ARSL: variants seen among roughly 807,000 people sequenced by gnomAD.
ARSL encodes the protein arylsulfatase E (chondrodysplasia punctata 1).
In ARSL, 4 loss-of-function variants were observed where a neutral mutation model predicts 31.1. The observed-to-expected ratio is 0.13, with a 90% CI of 0.06 to 0.29. The LOEUF (loss-of-function observed/expected upper bound fraction) is 0.29, where lower values mean the gene tolerates loss of function less well. Ranked by LOEUF, ARSL falls within the 10% of genes least tolerant of loss-of-function variation. The pLI is 1.00. For missense variants in ARSL, 312 were observed against 497.8 expected (o/e 0.63, Z 3.55); for synonymous variants, 198 against 209.9 (o/e 0.94, Z 0.49).
Position 2,943,915 on chromosome X carries a change from C to T in ARSL, c.992-716G>A, listed in dbSNP as rs766517367. Among the ~76,000 whole-genome samples, 113 of 110,827 alleles carry T rather than the reference C, an allele frequency of 1.0e-3. 1 individual carries two copies. The highest frequency in any genetic ancestry group is 1.6e-3 in the Non-Finnish European group (86 of 52,994). On this transcript the variant is annotated intron_variant, in intron 7 of 10. Coordinates refer to ENST00000381134, the MANE Select transcript of ARSL (RefSeq NM_000047.3). ...TCACAGTTGGCCGGGCACAGTGGCT[C>T]ATGCCTGAAATCTCAGCAATTTGAG...
intron 10 of ARSL, among the ~76,000 whole-genome samples, chrX:2,935,406 ATAC>A (rs1474220784): frequency 8.9e-6 from 1 of 112,292 alleles, no homozygotes; most frequent in Non-Finnish European, 1.9e-5. Flanking sequence ...AACTTTCAAA[ATAC>A]TACGCTCAGA....
intron 2 of ARSL, among the ~76,000 whole-genome samples, chrX:2,958,943 C>T (rs1269214679): frequency 8.9e-6 from 1 of 111,904 alleles, no homozygotes; most frequent in Non-Finnish European, 1.9e-5. Flanking sequence ...GCTGAGATCG[C>T]ACCACTGCAG....
intron 3 of ARSL, among the ~76,000 whole-genome samples, 154 bp from the exon 4 acceptor site, chrX:2,955,691 A>G (rs1345604283): frequency 4.4e-5 from 5 of 112,384 alleles, no homozygotes; most frequent in Non-Finnish European, 9.4e-5. Context: ...AAAGATTTCT[A>G]ATGTCTTCTG....
upstream of ARSL, among the ~76,000 whole-genome samples, chrX:2,964,934 G>A (rs1007581634): frequency 9.0e-6 from 1 of 110,823 alleles, no homozygotes; most frequent in Non-Finnish European, 1.9e-5. Context: ...GCAAGACCCT[G>A]TCTCTATAAA....
In ARSL at chrX:2,939,644, T is replaced by C. The variant is rs767354137; in HGVS notation, c.1127-1387A>G. Among the ~76,000 whole-genome samples, 135 of 110,736 alleles carry C rather than the reference T, an allele frequency of 1.2e-3. 1 individual carries two copies. The highest frequency in any genetic ancestry group is 2.2e-3 in the Non-Finnish European group (119 of 53,028). On this transcript the variant is annotated intron_variant, in intron 8 of 10. Transcript: ENST00000381134. ...CTTCAAAGCAAATATACATCATAGGTATATTTGCCAATATTAGCCTAAAAA... is the reference window on the plus strand; with the variant it reads ...CTTCAAAGCAAATATACATCATAGGCATATTTGCCAATATTAGCCTAAAAA...
rs773921261 is a variant in ARSL at position 2,960,421 on chromosome X, C to T, written c.-20-1G>A. On this transcript the variant is annotated splice_acceptor_variant, in intron 1 of 10. Coordinates refer to ENST00000381134, the MANE Select transcript of ARSL (RefSeq NM_000047.3). LOFTEE classifies it low-confidence loss of function (5UTR_SPLICE). Reference sequence around the variant, plus strand: ...AACATGTTGTCTCTCTCTCTACTTCCTGTAAGACATAAAGATGTCCACAAT... The same window carrying T: ...AACATGTTGTCTCTCTCTCTACTTCTTGTAAGACATAAAGATGTCCACAAT... The T allele has an allele frequency of 6.6e-6, 8 of 1,203,478 alleles. No individual in the cohort carries two copies. The East Asian group carries it at 2.4e-4, about 36-fold the overall frequency.
At chrX:2,942,100 G>T (rs1175471391) in intron 8 of ARSL, among the ~76,000 whole-genome samples, 2 of 111,239 alleles carry the variant, frequency 1.8e-5, no homozygotes, top group African/African-American at 6.6e-5. Context: ...CAGGAGTTCT[G>T]CCCAGGCCTC....
upstream of ARSL, among the ~76,000 whole-genome samples, chrX:2,967,744 G>T (rs902967081): frequency 8.9e-6 from 1 of 111,991 alleles, no homozygotes; most frequent in Non-Finnish European, 1.9e-5. Context: ...CTCCTTTCCC[G>T]CCCTGAGCTT....
At chrX:2,963,094 G>A (rs1036640611) in intron 1 of ARSL, among the ~76,000 whole-genome samples, 2 of 112,191 alleles carry the variant, frequency 1.8e-5, no homozygotes, top group African/African-American at 6.5e-5. Context: ...TATCATTTGT[G>A]CTTTGTTTAG....
At chrX:2,966,622 AC>A (rs1366179503), upstream of ARSL, among the ~76,000 whole-genome samples, 9 of 107,453 alleles carry the variant, frequency 8.4e-5, no homozygotes, top group Non-Finnish European at 1.5e-4. Context: ...GAAAAAAAAA[AC>A]AAAACAATAA....
In ARSL at chrX:2,960,224, G is replaced by C. The variant is rs1272678497; in HGVS notation, c.23+154C>G. Among the ~76,000 whole-genome samples the C allele has an allele frequency of 1.7e-4, 12 of 70,808 alleles. 1 individual carries two copies. In the East Asian group the frequency reaches 2.3e-3, roughly 14 times the overall value. 61.5% of individuals were successfully genotyped at this position (70,808 alleles called of 115,157 possible). ...GCGGAGCTTGCAGTGAGCCGAGATC[G>C]CGCCACTGCACTCCAGCCTGGGCGA... On this transcript the variant is annotated intron_variant, in intron 2 of 10. Coordinates refer to ENST00000381134, the MANE Select transcript of ARSL (RefSeq NM_000047.3).
chrX:2,938,185 G>A lies in ARSL; in HGVS notation c.1199C>T (p.Pro400Leu), dbSNP rs372359634. The A allele has an allele frequency of 6.9e-5, 83 of 1,210,683 alleles. No homozygotes were observed. Among genetic ancestry groups the A allele is most frequent in the Non-Finnish European group, 8.5e-5 (76 of 895,397 alleles). The change falls in exon 9 of 11, where the codon CCG becomes CTG. Residue 400 changes from proline to leucine, a missense_variant. Pro to Leu is a moderately conservative substitution (Grantham distance 98). Coordinates refer to ENST00000381134, the MANE Select transcript of ARSL (RefSeq NM_000047.3). ...PGIFRWPGVL[P>L]AGRVIGEPTS... ...GGGCTCGCCAATCACTCGGCCGGCC[G>A]GGAGCACCCCGGGCCAGCGGAAGAT...
chrX:2,936,945 C>A, intron 9 of ARSL, 82 bp from the exon 10 acceptor site: 1 of 1,152,974 alleles, frequency 8.7e-7, no homozygotes, highest in Non-Finnish European at 1.2e-6. Context: ...CAGTCCCAGC[C>A]CCAGGTGGTG....
chrX:2,950,313 C>A (rs2089444550), intron 5 of ARSL, among the ~76,000 whole-genome samples: 1 of 112,053 alleles, frequency 8.9e-6, no homozygotes, highest in Admixed American at 9.5e-5. Flanking sequence ...TGGATCCTGG[C>A]CTGCCTCAAA....
At chrX:2,943,351 A>G in intron 7 of ARSL, 152 bp from the exon 8 acceptor site, 1 of 743,500 alleles carries the variant, frequency 1.3e-6, no homozygotes, top group African/African-American at 2.1e-5. Context: ...TAATTTTGAT[A>G]TCCTTTGTTG....
At chrX:2,957,200 G>T (rs1301113486) in intron 3 of ARSL, among the ~76,000 whole-genome samples, 1 of 103,693 alleles carries the variant, frequency 9.6e-6, no homozygotes, top group Non-Finnish European at 1.9e-5. Flanking sequence ...CAGCCTGGGT[G>T]ACAGAGCGAG....
chrX:2,937,647 G>A (rs1169419922), intron 9 of ARSL, among the ~76,000 whole-genome samples: 1 of 110,914 alleles, frequency 9.0e-6, no homozygotes, highest in Non-Finnish European at 1.9e-5. Context: ...TGATTTAGCA[G>A]GAGACAAGAT....
chrX:2,960,853 AG>A (rs770633663), intron 1 of ARSL, among the ~76,000 whole-genome samples: 6 of 111,337 alleles, frequency 5.4e-5, no homozygotes, highest in Admixed American at 1.9e-4. Context: ...CTGATTTGGA[AG>A]GGGGAAGCGG....
upstream of ARSL, chrX:2,968,086 C>T: frequency 8.8e-7 from 1 of 1,140,285 alleles, no homozygotes; most frequent in South Asian, 1.9e-5. Context: ...AGAATATCCC[C>T]TGGAGCGTCT....
Sources: gnomAD v4.1 joint callset for allele counts (sites outside exome capture counted in the v4.1 genomes callset) on GRCh38, gnomAD v4.1.1 for gene constraint, MANE v1.5 for transcripts, NCBI Gene and HGNC (gene_info 2026-07-23, HGNC 2026-07-21) for gene names.